DNA2: variants seen among roughly 807,000 people sequenced by gnomAD.
The protein encoded by DNA2 is DNA replication ATP-dependent helicase/nuclease DNA2.
In DNA2, 101 loss-of-function variants were observed where a neutral mutation model predicts 119.1. That is an observed-to-expected ratio of 0.85 (90% CI 0.72 to 1.00). The LOEUF (loss-of-function observed/expected upper bound fraction) is 1.00. Ranked by LOEUF, DNA2 falls within the 50% of genes least tolerant of loss-of-function variation. The probability of loss-of-function intolerance (pLI) is 0.00; values close to 1 mark genes in which losing one functional copy is unlikely to be tolerated. For synonymous variants in DNA2, 366 were observed against 424.4 expected (o/e 0.86, Z 1.69); for missense variants, 1,121 against 1,255.5 (o/e 0.89, Z 1.62).
intron 9 of DNA2, among the ~76,000 whole-genome samples, chr10:68,437,689 T>A (rs573121866): frequency 4.2e-4 from 49 of 117,784 alleles, no homozygotes; most frequent in African/African-American, 1.6e-3. Flanking sequence ...CAAAACAGAC[T>A]AATATTGAGC....
chr10:68,416,532 G>T, intron 20 of DNA2, 177 bp downstream of exon 20: 3 of 575,926 alleles, frequency 5.2e-6, no homozygotes, highest in Non-Finnish European at 9.3e-6. Flanking sequence ...TATAGGCTGG[G>T]GGCCGTGGCT....
chr10:68,444,166 C>A (rs188991481), intron 8 of DNA2, among the ~76,000 whole-genome samples: 1 of 151,580 alleles, frequency 6.6e-6, no homozygotes, highest in Non-Finnish European at 1.5e-5. Flanking sequence ...CCGAGGTGGG[C>A]GGATCACGAG....
rs2051561931 is a variant in DNA2 at position 68,414,363 on chromosome 10, AT to A, written c.*675del. The A allele has an allele frequency of 1.3e-5, 2 of 152,184 alleles. No homozygotes were observed. The highest frequency in any genetic ancestry group is 1.3e-4 in the Admixed American group (2 of 15,270). The allele number at this position is 152,184 out of a possible 1,614,324, so 9.4% of individuals were successfully genotyped here. Reference sequence around the variant, plus strand: ...CCCCCAAACATAGGGGCATATGAACATATGTGAAAATAGGAATCAACTTTTT... The same window carrying A: ...CCCCCAAACATAGGGGCATATGAACAATGTGAAAATAGGAATCAACTTTTT... On this transcript the variant is annotated 3_prime_UTR_variant, in exon 21 of 21. Transcript: ENST00000358410.
intron 17 of DNA2, among the ~76,000 whole-genome samples, chr10:68,420,393 T>C (rs2051649109): frequency 6.6e-6 from 1 of 152,076 alleles, no homozygotes; most frequent in South Asian, 2.1e-4. Flanking sequence ...AAAAATTAGC[T>C]GGGCGTGGTG....
intron 5 of DNA2, among the ~76,000 whole-genome samples, chr10:68,457,971 G>A (rs1240937780): frequency 2.6e-5 from 4 of 151,726 alleles, no homozygotes; most frequent in South Asian, 2.1e-4. Context: ...TCAGGAGTTC[G>A]AGACCAGCCT....
chr10:68,437,366 T>A, intron 9 of DNA2, 125 bp from the exon 10 acceptor site: 1 of 830,596 alleles, frequency 1.2e-6, no homozygotes, highest in Non-Finnish European at 1.8e-6. Flanking sequence ...CCGGGTGTGG[T>A]GGCTCACGCC....
intron 14 of DNA2, among the ~76,000 whole-genome samples, chr10:68,429,711 CAAAAA>C (rs1165329779): frequency 5.0e-5 from 2 of 40,400 alleles, no homozygotes; most frequent in Non-Finnish European, 8.5e-5. Flanking sequence ...GACTCCATCT[CAAAAA>C]AAAAAAAAAA....
At position 68,471,784 on chromosome 10, in the gene DNA2, C is replaced by G; in HGVS notation, c.74+7G>C. ...TTGTTCCCACACCCTCCCCCCTCTC[C>G]GCTCACAGCTCCGCCGGCAGCTCCG... On this transcript the variant is annotated splice_region_variant and intron_variant, in intron 1 of 20. Transcript: ENST00000358410. The G allele has an allele frequency of 1.3e-6, 2 of 1,594,402 alleles. No individual in the cohort carries two copies. Among genetic ancestry groups the G allele is most frequent in the South Asian group, 1.1e-5 (1 of 88,556 alleles).
At chr10:68,427,202 C>T (rs2051753196) in intron 14 of DNA2, among the ~76,000 whole-genome samples, 1 of 151,048 alleles carries the variant, frequency 6.6e-6, no homozygotes, top group Non-Finnish European at 1.5e-5. Context: ...AACCCCGTCT[C>T]TACTAAAAAA....
chr10:68,423,286 TAA>T (rs34590075), intron 14 of DNA2, among the ~76,000 whole-genome samples: 2 of 141,568 alleles, frequency 1.4e-5, no homozygotes, highest in Admixed American at 7.0e-5. Flanking sequence ...GCATTATATA[TAA>T]AAAAAAAAAA....
intron 3 of DNA2, 50 bp from the exon 4 acceptor site, chr10:68,465,862 A>G (rs746973002): frequency 7.2e-7 from 1 of 1,389,800 alleles, no homozygotes; most frequent in Non-Finnish European, 9.4e-7. Context: ...AACAGACACA[A>G]TTGTATATTT....
intron 5 of DNA2, among the ~76,000 whole-genome samples, chr10:68,453,344 C>T (rs776001504): frequency 6.6e-6 from 1 of 152,094 alleles, no homozygotes; most frequent in African/African-American, 2.4e-5. Flanking sequence ...TCAACATTTC[C>T]TTAGTCTACA....
rs755064393 is a variant in DNA2, at chr10:68,414,982, T to C, written c.*57A>G. The C allele has an allele frequency of 7.5e-5, 80 of 1,068,882 alleles. No individual in the cohort carries two copies. Among genetic ancestry groups the C allele is most frequent in the Non-Finnish European group, 1.0e-4 (76 of 733,214 alleles). The allele number at this position is 1,068,882 out of a possible 1,614,324, so 66.2% of individuals were successfully genotyped here. ...TTGTATGGTGATAGAATTTTCTGTA[T>C]GGGCACTAGCTAGAGGAGATACTGC... On this transcript the variant is annotated 3_prime_UTR_variant, in exon 21 of 21. Coordinates refer to ENST00000358410, the MANE Select transcript of DNA2 (RefSeq NM_001080449.3).
At chr10:68,427,219 T>A (rs1000358364) in intron 14 of DNA2, among the ~76,000 whole-genome samples, 11 of 147,022 alleles carry the variant, frequency 7.5e-5, no homozygotes, top group African/African-American at 1.5e-4. Flanking sequence ...AAAAAAAAAA[T>A]ATGTGGCGCA....
chr10:68,449,515 AC>A (rs1201009692), intron 6 of DNA2, among the ~76,000 whole-genome samples: 2 of 152,220 alleles, frequency 1.3e-5, no homozygotes, highest in East Asian at 3.9e-4. Context: ...AGTGGCTCAC[AC>A]CTGTAATTCC....
In DNA2 at chr10:68,471,830, T is replaced by G; in HGVS notation, c.35A>C (p.Glu12Ala). The G allele has an allele frequency of 6.2e-7, 1 of 1,611,994 alleles. No homozygotes were observed. Among genetic ancestry groups the G allele is most frequent in the Non-Finnish European group, 8.5e-7 (1 of 1,179,136 alleles). The change falls in exon 1 of 21, where the codon GAG becomes GCG. Residue 12 changes from glutamate (E) to alanine (A), a missense_variant. By Grantham distance (107) the Glu-to-Ala change is moderately radical. Coordinates refer to ENST00000358410, the MANE Select transcript of DNA2 (RefSeq NM_001080449.3). ...CTCCGCCTCCTCCCAAAAACTCTTC[T>G]CCATCAGCAGCTCCAGTTCGTTCAG... ...EQLNELELLM[E>A]KSFWEEAELP...
Position 68,443,256 on chromosome 10 carries a change from A to C in DNA2, c.1221-145T>G, listed in dbSNP as rs901622951. ...CCCTAATGTTCCTTAAAAGTCATTT[A>C]AACATAAGCCATATGGCTTTTTATA... is the stretch of plus-strand genomic sequence containing the variant. On this transcript the variant is annotated intron_variant, in intron 8 of 20. Coordinates refer to ENST00000358410, the MANE Select transcript of DNA2 (RefSeq NM_001080449.3). 4 of 734,466 alleles carry C rather than the reference A, an allele frequency of 5.4e-6. No homozygotes were observed. The African/African-American group carries it at 7.2e-5, about 13-fold the overall frequency. The allele number at this position is 734,466 out of a possible 1,614,324, so 45.5% of individuals were successfully genotyped here.
In DNA2 at chr10:68,422,158, A is replaced by G. The variant is rs184620555; in HGVS notation, c.2697+67T>C. On this transcript the variant is annotated intron_variant, in intron 17 of 20. Coordinates refer to ENST00000358410, the MANE Select transcript of DNA2 (RefSeq NM_001080449.3). ...TAAGCTCTAATTAGGGCATGTGCTA[A>G]TGAAAACTGAGAAATTTAAATAATA... 3 of 1,311,992 alleles carry G rather than the reference A, an allele frequency of 2.3e-6. No individual in the cohort carries two copies. The African/African-American group carries it at 4.5e-5, about 20-fold the overall frequency. 81.3% of individuals were successfully genotyped at this position (1,311,992 alleles called of 1,614,324 possible).
intron 17 of DNA2, 72 bp from the exon 18 acceptor site, chr10:68,419,964 A>C: frequency 8.2e-7 from 1 of 1,226,720 alleles, no homozygotes; most frequent in Non-Finnish European, 1.2e-6. Flanking sequence ...AACTGGCCAT[A>C]AAGACTATAC....
Sources: allele counts gnomAD v4.1 joint callset (sites outside exome capture counted in the v4.1 genomes callset), GRCh38; gene constraint gnomAD v4.1.1; transcripts MANE v1.5; gene names NCBI Gene and HGNC (gene_info 2026-07-23, HGNC 2026-07-21).